The following ERC1 variants were observed in gnomAD, a reference collection of about 807,000 sequenced individuals.
The protein encoded by ERC1 is ELKS/RAB6-interacting/CAST family member 1.
A neutral mutation model predicts 132.0 loss-of-function variants in ERC1; 56 were observed. The ratio of observed to expected loss-of-function variants is 0.42; its 90% CI spans 0.34 to 0.53. The LOEUF (loss-of-function observed/expected upper bound fraction) is 0.53. Among genes scored for constraint, ERC1 ranks in the 20% least tolerant of loss-of-function variants. ERC1 has a pLI of 0.03. For synonymous variants in ERC1, 478 were observed against 476.1 expected (o/e 1.00, Z -0.05); for missense variants, 1,202 against 1,349.9 (o/e 0.89, Z 1.72).
chr12:1,363,682 G>C (rs2086379967), intron 15 of ERC1, among the ~76,000 whole-genome samples: 1 of 151,562 alleles, frequency 6.6e-6, no homozygotes, highest in Non-Finnish European at 1.5e-5. Flanking sequence ...AGTCCCCCAG[G>C]TAGCTGGGAC....
At chr12:1,421,077 G>C (rs1218008931) in intron 17 of ERC1, among the ~76,000 whole-genome samples, 1 of 151,948 alleles carries the variant, frequency 6.6e-6, no homozygotes, top group Non-Finnish European at 1.5e-5. Context: ...TCAGTAATTA[G>C]CATATCTGTC....
chr12:1,253,475 G>A (rs545599902), intron 13 of ERC1, among the ~76,000 whole-genome samples: 36 of 152,192 alleles, frequency 2.4e-4, no homozygotes, highest in African/African-American at 7.9e-4. Context: ...TCAGGAGTTC[G>A]AGACTAGCCT....
chr12:1,289,334 C>G (rs1297913363), intron 14 of ERC1, among the ~76,000 whole-genome samples: 1 of 151,578 alleles, frequency 6.6e-6, no homozygotes, highest in African/African-American at 2.4e-5. Context: ...AAGAAATTGT[C>G]TGATTGAATT....
chr12:1,471,421 T>C (rs1382467126), intron 18 of ERC1, among the ~76,000 whole-genome samples: 1 of 152,214 alleles, frequency 6.6e-6, no homozygotes, highest in Non-Finnish European at 1.5e-5. Flanking sequence ...CATAAGTAAG[T>C]TAGAAATTAA....
Position 1,188,484 on chromosome 12 carries a change from AT to A in ERC1, c.2158-1373del, listed in dbSNP as rs371222355. On this transcript the variant is annotated intron_variant, in intron 11 of 18. Transcript: ENST00000360905. ...CCACGTGAAACAACTGATTTTAGAC[AT>A]TGGACAACATTCAGTGCAGAACAGT... Among the ~76,000 whole-genome samples the A allele has an allele frequency of 4.6e-5, 7 of 152,360 alleles. No individual in the cohort carries two copies. In the South Asian group the frequency reaches 1.4e-3, roughly 32 times the overall value.
chr12:997,100 TAG>T (rs1010006098), intron 1 of ERC1, among the ~76,000 whole-genome samples: 20 of 152,292 alleles, frequency 1.3e-4, no homozygotes, highest in African/African-American at 4.8e-4. Flanking sequence ...AAAAAATTTG[TAG>T]AGAGACAAGG....
At chr12:1,035,956 T>TA (rs397787923) in intron 2 of ERC1, among the ~76,000 whole-genome samples, 2 of 151,902 alleles carry the variant, frequency 1.3e-5, no homozygotes, top group African/African-American at 4.8e-5. Context: ...ATTTTTTTTT[T>TA]AAATTCTAAA....
chr12:1,326,927 G>A (rs1167557839), intron 15 of ERC1, among the ~76,000 whole-genome samples: 1 of 151,928 alleles, frequency 6.6e-6, no homozygotes, highest in African/African-American at 2.4e-5. Context: ...TGTGGATAAT[G>A]TATAATAAGC....
At chr12:1,045,288 G>A (rs1032392689) in intron 2 of ERC1, among the ~76,000 whole-genome samples, 1 of 151,952 alleles carries the variant, frequency 6.6e-6, no homozygotes, top group African/African-American at 2.4e-5. Context: ...TTACATCTGA[G>A]GTTCCCTTTG....
chr12:1,226,595 C>A (rs1051716754), intron 12 of ERC1, among the ~76,000 whole-genome samples: 1 of 152,194 alleles, frequency 6.6e-6, no homozygotes. Context: ...CTTTCCCAAC[C>A]CTCTAGAAAC....
At chr12:1,110,442 C>A in intron 5 of ERC1, 95 bp downstream of exon 5, 2 of 1,013,346 alleles carry the variant, frequency 2.0e-6, no homozygotes, top group Non-Finnish European at 2.8e-6. Flanking sequence ...GTATTTTACA[C>A]TCTTTTATCA....
At position 1,334,044 on chromosome 12, in the gene ERC1, T is replaced by A. The variant is rs2083105088; in HGVS notation, c.2781-37789T>A. Among the ~76,000 whole-genome samples, 3 of 152,256 alleles carry A rather than the reference T, an allele frequency of 2.0e-5. No homozygotes were observed. In the South Asian group the frequency reaches 6.2e-4, roughly 31 times the overall value. On this transcript the variant is annotated intron_variant, in intron 15 of 18. Transcript: ENST00000360905. ...ATGTGCTTCTTGGCCACGTGTTATG[T>A]CTTCTTTTGAAAAGCGTCTGTTTAT...
chr12:1,228,068 C>T (rs1305447956), intron 12 of ERC1, among the ~76,000 whole-genome samples: 2 of 152,046 alleles, frequency 1.3e-5, no homozygotes, highest in African/African-American at 2.4e-5. Context: ...GTTTGAAATC[C>T]GAAAGTGTGA....
intron 2 of ERC1, among the ~76,000 whole-genome samples, chr12:1,029,376 T>C (rs1350089600): frequency 2.0e-5 from 3 of 152,168 alleles, no homozygotes; most frequent in Non-Finnish European, 2.9e-5. Flanking sequence ...GTTGATGATG[T>C]ATTTATTAAG....
At chr12:1,056,286 C>T (rs535919511) in intron 2 of ERC1, among the ~76,000 whole-genome samples, 2 of 152,150 alleles carry the variant, frequency 1.3e-5, no homozygotes, top group African/African-American at 4.8e-5. Flanking sequence ...TTATATGAAT[C>T]CTTATGAAGA....
At chr12:1,013,917 G>C (rs1417887893) in intron 1 of ERC1, among the ~76,000 whole-genome samples, 1 of 152,024 alleles carries the variant, frequency 6.6e-6, no homozygotes, top group Non-Finnish European at 1.5e-5. Context: ...AAAGTTTTTT[G>C]TGGAGACGAG....
chr12:1,341,561 A>C (rs2083897041), intron 15 of ERC1, among the ~76,000 whole-genome samples: 1 of 151,882 alleles, frequency 6.6e-6, no homozygotes. Flanking sequence ...TATCACAAGG[A>C]CAGAAAACCG....
intron 15 of ERC1, among the ~76,000 whole-genome samples, chr12:1,295,901 G>T (rs955876039): frequency 2.3e-4 from 34 of 150,964 alleles, no homozygotes; most frequent in African/African-American, 8.3e-4. Context: ...TATATCCCAT[G>T]TTGAACTTTT....
chr12:1,061,627 A>G (rs1180325785), intron 2 of ERC1, among the ~76,000 whole-genome samples: 1 of 151,988 alleles, frequency 6.6e-6, no homozygotes, highest in East Asian at 1.9e-4. Context: ...CAACAACAAG[A>G]ACAATCCCCA....
Sources: allele counts gnomAD v4.1 joint callset (sites outside exome capture counted in the v4.1 genomes callset), GRCh38; gene constraint gnomAD v4.1.1; transcripts MANE v1.5; gene names NCBI Gene and HGNC (gene_info 2026-07-23, HGNC 2026-07-21).